EPHA5: variants seen among roughly 807,000 people sequenced by gnomAD.
EPHA5 encodes ephrin type-A receptor 5.
Under a neutral mutation model 105.0 loss-of-function variants are expected in EPHA5, and 60 were observed. The ratio of observed to expected loss-of-function variants is 0.57; its 90% confidence interval spans 0.46 to 0.71. EPHA5 has a LOEUF of 0.71. Among genes scored for constraint, EPHA5 ranks in the 30% least tolerant of loss-of-function variants. EPHA5 has a pLI of 0.00. For synonymous variants in EPHA5, 513 were observed against 449.1 expected (o/e 1.14, Z -1.80); for missense variants, 1,218 against 1,274.7 (o/e 0.96, Z 0.68).
chr4:65,626,160 G>A (rs1329316395), intron 2 of EPHA5, among the ~76,000 whole-genome samples: 1 of 150,442 alleles, frequency 6.6e-6, no homozygotes, highest in Non-Finnish European at 1.5e-5. Flanking sequence ...ATATAGCTAA[G>A]TCACACTTTG....
At chr4:65,392,887 A>G (rs1720863512) in intron 8 of EPHA5, among the ~76,000 whole-genome samples, 1 of 152,168 alleles carries the variant, frequency 6.6e-6, no homozygotes, top group African/African-American at 2.4e-5. Context: ...TATGTAGGAA[A>G]GCCACAGAAG....
intron 5 of EPHA5, among the ~76,000 whole-genome samples, chr4:65,456,879 T>G (rs777282056): frequency 1.3e-5 from 2 of 152,138 alleles, no homozygotes; most frequent in African/African-American, 4.8e-5. Context: ...TTTCATTCCT[T>G]TCTATCTAAT....
chr4:65,529,233 A>G (rs1011177207), intron 3 of EPHA5, among the ~76,000 whole-genome samples: 11 of 152,154 alleles, frequency 7.2e-5, no homozygotes, highest in African/African-American at 2.7e-4. Context: ...AAAATCCACA[A>G]TCTTTCAAAT....
At chr4:65,599,771 C>T (rs990120527) in intron 3 of EPHA5, among the ~76,000 whole-genome samples, 1 of 152,152 alleles carries the variant, frequency 6.6e-6, no homozygotes, top group Non-Finnish European at 1.5e-5. Context: ...TAAGGTTCTA[C>T]TTTTCAATTA....
At chr4:65,513,618 C>T (rs1458170439) in intron 3 of EPHA5, among the ~76,000 whole-genome samples, 1 of 152,090 alleles carries the variant, frequency 6.6e-6, no homozygotes, top group East Asian at 1.9e-4. Context: ...CAAATCTTGA[C>T]CTTGTGATCC....
intron 6 of EPHA5, among the ~76,000 whole-genome samples, chr4:65,418,860 C>CTGTTTTTTTTTTTTTTTTTTTTTTT (rs1560516457): frequency 1.3e-5 from 1 of 79,810 alleles, no homozygotes; most frequent in Non-Finnish European, 2.4e-5. Flanking sequence ...CTTACCTAAA[C>CTGTTTTTTTTTTTTTTTTTTTTTTT]TCTTTTTTTT....
chr4:65,628,746 G>A (rs1052324305), intron 2 of EPHA5, among the ~76,000 whole-genome samples: 1 of 152,188 alleles, frequency 6.6e-6, no homozygotes, highest in Non-Finnish European at 1.5e-5. Context: ...CAGATTGGAA[G>A]TATTTGTGAA....
chr4:65,462,509 G>T (rs1009677817), intron 5 of EPHA5, among the ~76,000 whole-genome samples: 4 of 152,126 alleles, frequency 2.6e-5, no homozygotes, highest in Non-Finnish European at 2.9e-5. Flanking sequence ...TCATCTCAAA[G>T]ACTAGCTGGG....
chr4:65,430,166 C>T (rs1036459022), intron 5 of EPHA5, among the ~76,000 whole-genome samples: 1 of 151,932 alleles, frequency 6.6e-6, no homozygotes, highest in Admixed American at 6.6e-5. Context: ...ACATGTAAGG[C>T]CATTTTTTAC....
intron 11 of EPHA5, among the ~76,000 whole-genome samples, chr4:65,355,199 A>G (rs917696625): frequency 6.6e-6 from 1 of 151,652 alleles, no homozygotes; most frequent in Non-Finnish European, 1.5e-5. Context: ...AAATACAGTC[A>G]CAACTCTGAA....
chr4:65,435,779 C>A (rs1403305227), intron 5 of EPHA5, among the ~76,000 whole-genome samples: 1 of 151,712 alleles, frequency 6.6e-6, no homozygotes, highest in East Asian at 1.9e-4. Context: ...GCTAGTTTCT[C>A]TCTGATGGTT....
intron 5 of EPHA5, among the ~76,000 whole-genome samples, chr4:65,458,840 A>T (rs1460583517): frequency 6.6e-6 from 1 of 152,092 alleles, no homozygotes; most frequent in African/African-American, 2.4e-5. Flanking sequence ...CATTTACAAG[A>T]TTTATTTATG....
At chr4:65,372,762 A>G (rs6551915) in intron 8 of EPHA5, among the ~76,000 whole-genome samples, 1,713 of 151,958 alleles carry the variant, frequency 0.011, 36 homozygotes, top group African/African-American at 0.039. Flanking sequence ...ATTATATCTT[A>G]CTTGATGTTT....
intron 2 of EPHA5, among the ~76,000 whole-genome samples, chr4:65,627,445 A>G (rs1323306779): frequency 6.6e-6 from 1 of 152,134 alleles, no homozygotes; most frequent in Non-Finnish European, 1.5e-5. Flanking sequence ...TTGGCTTAAC[A>G]CATTTATTTT....
At chr4:65,587,286 C>T (rs775138058) in intron 3 of EPHA5, among the ~76,000 whole-genome samples, 1 of 152,054 alleles carries the variant, frequency 6.6e-6, no homozygotes, top group Non-Finnish European at 1.5e-5. Context: ...GACAATGTCT[C>T]CTCCCTTATT....
chr4:65,427,185 CT>C (rs11443682), intron 5 of EPHA5, among the ~76,000 whole-genome samples: 146 of 129,060 alleles, frequency 1.1e-3, no homozygotes, highest in African/African-American at 3.3e-3. Flanking sequence ...CGAGTGTATT[CT>C]TTTTTTTTTT....
At position 65,367,355 on chromosome 4, in the gene EPHA5, A is replaced by T. The variant is rs1358306081; in HGVS notation, c.1861+2T>A. The T allele has an allele frequency of 6.2e-7, 1 of 1,609,978 alleles. No homozygotes were observed. The highest frequency in any genetic ancestry group is 8.5e-7 in the Non-Finnish European group (1 of 1,178,270). ...TATTTTTATTTTTTACAATTTGCTT[A>T]CTGTGCCCATTATGAAAATGCATCT... On this transcript the variant is annotated splice_donor_variant, in intron 9 of 16. Transcript: ENST00000613740. LOFTEE classifies it high-confidence loss of function.
At chr4:65,563,265 G>T (rs1739204823) in intron 3 of EPHA5, among the ~76,000 whole-genome samples, 1 of 151,974 alleles carries the variant, frequency 6.6e-6, no homozygotes, top group Admixed American at 6.6e-5. Flanking sequence ...CTAAGGCGTT[G>T]ATGGCTGATG....
At chr4:65,333,325 T>G (rs1441962542) in intron 15 of EPHA5, among the ~76,000 whole-genome samples, 4 of 151,700 alleles carry the variant, frequency 2.6e-5, no homozygotes, top group Non-Finnish European at 5.9e-5. Context: ...TATAGTTTCT[T>G]CAAAACCAAT....
Sources: gnomAD v4.1 joint callset for allele counts (sites outside exome capture counted in the v4.1 genomes callset) on GRCh38, gnomAD v4.1.1 for gene constraint, MANE v1.5 for transcripts, NCBI Gene and HGNC (gene_info 2026-07-23, HGNC 2026-07-21) for gene names.